Variants in SNTG1 observed in about 807,000 individuals in gnomAD.
SNTG1 encodes the protein gamma-1-syntrophin.
A neutral mutation model predicts 74.7 loss-of-function variants in SNTG1; 39 were observed. The observed-to-expected ratio is 0.52, with a 90% CI of 0.40 to 0.68. SNTG1 has a LOEUF of 0.68. SNTG1 is among the 30% of genes least tolerant of loss of function. SNTG1 has a pLI of 0.00. For missense variants in SNTG1, 685 were observed against 609.5 expected (o/e 1.12, Z -1.30); for synonymous variants, 254 against 217.1 (o/e 1.17, Z -1.49).
At chr8:50,654,484 A>G (rs2095168361) in intron 13 of SNTG1, among the ~76,000 whole-genome samples, 1 of 152,186 alleles carries the variant, frequency 6.6e-6, no homozygotes, top group Non-Finnish European at 1.5e-5. Context: ...TCTTATATTC[A>G]TATACATAGC....
chr8:50,019,416 A>G (rs201573957), intron 1 of SNTG1, among the ~76,000 whole-genome samples: 2 of 152,214 alleles, frequency 1.3e-5, no homozygotes, highest in East Asian at 3.9e-4. Context: ...CTTAAGATGG[A>G]TAAAGAACAG....
chr8:50,040,829 G>C (rs1202893846), intron 1 of SNTG1, among the ~76,000 whole-genome samples: 1 of 152,176 alleles, frequency 6.6e-6, no homozygotes, highest in Non-Finnish European at 1.5e-5. Flanking sequence ...GGATTTTCAT[G>C]ACATTTTTGT....
chr8:50,709,284 C>A (rs530445910), intron 17 of SNTG1: 4 of 368,104 alleles, frequency 1.1e-5, no homozygotes, highest in African/African-American at 8.3e-5. Flanking sequence ...ATTGAAGGGA[C>A]ATTTTCTTCC....
intron 15 of SNTG1, among the ~76,000 whole-genome samples, chr8:50,695,146 T>A (rs1381426886): frequency 6.6e-6 from 1 of 151,630 alleles, no homozygotes; most frequent in Non-Finnish European, 1.5e-5. Context: ...TGCTAAATTG[T>A]CCCTGTTTGC....
At position 50,718,368 on chromosome 8, in the gene SNTG1, A is replaced by G. The variant is rs184427141; in HGVS notation, c.1284+9390A>G. The stretch of plus-strand genomic sequence containing the variant: ...TTGAAGAGTTGGCACTTACATCAGC[A>G]GTGGCCCAAGTTTGCCATGTAACGC... On this transcript the variant is annotated intron_variant, in intron 17 of 18. Coordinates refer to ENST00000642720, the MANE Select transcript of SNTG1 (RefSeq NM_018967.5). Among the ~76,000 whole-genome samples the G allele has an allele frequency of 1.8e-3, 269 of 152,342 alleles. 2 individuals carry two copies. The highest frequency in any genetic ancestry group is 6.8e-3 in the Middle Eastern group (2 of 294).
At chr8:50,750,171 C>T (rs766111391) in intron 17 of SNTG1, among the ~76,000 whole-genome samples, 48 of 152,028 alleles carry the variant, frequency 3.2e-4, no homozygotes, top group Non-Finnish European at 5.0e-4. Context: ...TGGAGAGGTT[C>T]AGGACTTCAG....
chr8:50,462,796 C>CTTTTTTTTTTTTTTTTTTTTTTTTTTT (rs869119447), intron 8 of SNTG1, among the ~76,000 whole-genome samples: 2 of 57,474 alleles, frequency 3.5e-5, no homozygotes, highest in African/African-American at 5.9e-5. Flanking sequence ...AGGTTCTACT[C>CTTTTTTTTTTTTTTTTTTTTTTTTTTT]TTTTTTTTTT....
intron 11 of SNTG1, among the ~76,000 whole-genome samples, chr8:50,541,089 C>G (rs990478240): frequency 6.6e-6 from 1 of 151,234 alleles, no homozygotes; most frequent in Non-Finnish European, 1.5e-5. Context: ...ATAATTAAAC[C>G]TTTTATTTTG....
intron 2 of SNTG1, among the ~76,000 whole-genome samples, chr8:50,186,019 G>A (rs1264854419): frequency 1.3e-5 from 2 of 151,890 alleles, no homozygotes; most frequent in Admixed American, 6.6e-5. Context: ...CCCCCGACAG[G>A]TCTGTGTGTG....
intron 2 of SNTG1, among the ~76,000 whole-genome samples, chr8:50,379,316 A>C (rs1251603168): frequency 6.6e-6 from 1 of 152,126 alleles, no homozygotes; most frequent in African/African-American, 2.4e-5. Context: ...TTCCTAGCCT[A>C]TGAAAGCAGG....
intron 4 of SNTG1, among the ~76,000 whole-genome samples, chr8:50,437,063 T>C (rs1286605200): frequency 1.3e-5 from 2 of 152,182 alleles, no homozygotes; most frequent in Non-Finnish European, 2.9e-5. Flanking sequence ...ACATAGAAAC[T>C]TATTTGTACA....
rs191165850 is a variant in SNTG1, at chr8:50,143,765, G to C, written c.-102-28796G>C. On this transcript the variant is annotated intron_variant, in intron 1 of 18. Transcript: ENST00000642720. The stretch of plus-strand genomic sequence containing the variant: ...TATAATGGATATGTCACATATTCCT[G>C]AGTACAACCTCCATTGAAAATGCCT... Among the ~76,000 whole-genome samples the C allele has an allele frequency of 4.0e-3, 612 of 152,262 alleles. 4 individuals are homozygous for C. Among genetic ancestry groups the C allele is most frequent in the African/African-American group, 0.014 (563 of 41,548 alleles).
At chr8:50,405,887 T>C (rs1372905954) in intron 4 of SNTG1, among the ~76,000 whole-genome samples, 1 of 152,118 alleles carries the variant, frequency 6.6e-6, no homozygotes, top group African/African-American at 2.4e-5. Flanking sequence ...ATGTGCCGTA[T>C]ATATAAGGGG....
At chr8:50,161,112 T>C (rs72640708) in intron 1 of SNTG1, among the ~76,000 whole-genome samples, 3 of 152,340 alleles carry the variant, frequency 2.0e-5, no homozygotes, top group Non-Finnish European at 4.4e-5. Flanking sequence ...ATACTGATTG[T>C]GTCCTGAAGA....
At chr8:50,211,932 A>T (rs1360293458) in intron 2 of SNTG1, among the ~76,000 whole-genome samples, 1 of 152,212 alleles carries the variant, frequency 6.6e-6, no homozygotes, top group Non-Finnish European at 1.5e-5. Flanking sequence ...ATTATTTTCT[A>T]AAGGAGAAAT....
chr8:50,342,502 T>C (rs533250263), intron 2 of SNTG1, among the ~76,000 whole-genome samples: 4 of 152,230 alleles, frequency 2.6e-5, no homozygotes, highest in South Asian at 2.1e-4. Context: ...ATTAAAAAAA[T>C]GTTTTGCTAA....
At chr8:50,548,882 T>C (rs891482449) in intron 11 of SNTG1, among the ~76,000 whole-genome samples, 39 of 152,186 alleles carry the variant, frequency 2.6e-4, no homozygotes, top group Non-Finnish European at 4.4e-5. Context: ...GTCCAGTCGA[T>C]AGTCTTCAAA....
chr8:50,713,381 C>T (rs1451159795), intron 17 of SNTG1, among the ~76,000 whole-genome samples: 1 of 151,904 alleles, frequency 6.6e-6, no homozygotes, highest in African/African-American at 2.4e-5. Context: ...TGTTTAAGTT[C>T]CTTGTAGATT....
chr8:49,943,603 A>G (rs1285136500), intron 1 of SNTG1, among the ~76,000 whole-genome samples: 2 of 152,208 alleles, frequency 1.3e-5, no homozygotes, highest in African/African-American at 2.4e-5. Context: ...CTTTTGTCCA[A>G]TTTGCAGAAT....
Sources: gnomAD v4.1 joint callset for allele counts (sites outside exome capture counted in the v4.1 genomes callset) on GRCh38, gnomAD v4.1.1 for gene constraint, MANE v1.5 for transcripts, NCBI Gene and HGNC (gene_info 2026-07-23, HGNC 2026-07-21) for gene names.